CA9: variants seen among roughly 807,000 people sequenced by gnomAD.
The protein encoded by CA9 is carbonic anhydrase 9.
A neutral mutation model predicts 51.8 loss-of-function variants in CA9; 43 were observed. That is an observed-to-expected ratio of 0.83 (90% CI 0.65 to 1.07). The LOEUF is 1.07. Ranked by LOEUF, CA9 falls within the 50% of genes least tolerant of loss-of-function variation. The pLI is 0.00. For missense variants in CA9, 574 were observed against 581.4 expected (o/e 0.99, Z 0.13); for synonymous variants, 253 against 244.2 (o/e 1.04, Z -0.34).
intron 10 of CA9, 60 bp from the exon 11 acceptor site, chr9:35,680,905 T>C: frequency 1.2e-6 from 2 of 1,611,216 alleles, no homozygotes; most frequent in Non-Finnish European, 1.7e-6. Flanking sequence ...GCAAAGCGCA[T>C]GCAAATGAGC....
intron 1 of CA9, 122 bp from the exon 2 acceptor site, chr9:35,675,416 C>T: frequency 1.8e-6 from 2 of 1,129,754 alleles, no homozygotes; most frequent in South Asian, 1.3e-5. Flanking sequence ...GCACCTGGCC[C>T]GCTTAAGGCA....
At chr9:35,674,664 G>C in intron 1 of CA9, 1 of 272,938 alleles carries the variant, frequency 3.7e-6, no homozygotes, top group South Asian at 9.7e-5. Flanking sequence ...TGTGCAGACA[G>C]AGGAAAAAAA....
chr9:35,676,269 C>T (rs1824420837), intron 4 of CA9, 28 bp from the exon 5 acceptor site: 2 of 1,613,746 alleles, frequency 1.2e-6, no homozygotes, highest in Non-Finnish European at 1.7e-6. Flanking sequence ...AGAGACGTGG[C>T]CCTCTCCTAC....
At chr9:35,675,210 T>C (rs1824392592) in intron 1 of CA9, 1 of 347,136 alleles carries the variant, frequency 2.9e-6, no homozygotes. Context: ...GTCAGGCTGG[T>C]CTCGAACTCC....
In CA9 at chr9:35,676,142, A is replaced by G. The variant is rs1824417086; in HGVS notation, c.683A>G (p.His228Arg). 6.2e-7 allele frequency: 1 copy of G among 1,613,350 alleles called. No homozygotes were observed. Among genetic ancestry groups the G allele is most frequent in the Non-Finnish European group, 8.5e-7 (1 of 1,179,706 alleles). ...REYRALQLHLHWGAAGRPGSE... is the reference protein window; with the variant it reads ...REYRALQLHLRWGAAGRPGSE... ...TACCGGGCTCTGCAGCTGCATCTGC[A>G]CTGGGGGGCTGCAGGTCGTCCGGGC... Residue 228 changes from histidine (H) to arginine (R), a missense_variant, in exon 4 of 11, where the codon CAC becomes CGC. By Grantham distance (29) the His-to-Arg change is conservative. Transcript: ENST00000378357.
Position 35,676,361 on chromosome 9 carries a change from G to A in CA9, c.812G>A (p.Gly271Asp), listed in dbSNP as rs1435487418. ...RVDEALGRPG[G>D]LAVLAAFLEE... ...GACGAGGCCTTGGGGCGCCCGGGAG[G>A]CCTGGCCGTGTTGGCCGCCTTTCTG... Residue 271 changes from glycine to aspartate, a missense_variant, in exon 5 of 11, where the codon GGC (glycine) becomes GAC (aspartate). Coordinates refer to ENST00000378357, the MANE Select transcript of CA9 (RefSeq NM_001216.3). 2 of 1,613,780 alleles carry A rather than the reference G, an allele frequency of 1.2e-6. No homozygotes were observed. The highest frequency in any genetic ancestry group is 1.7e-6 in the Non-Finnish European group (2 of 1,179,980).
chr9:35,676,049 C>T lies in CA9; in HGVS notation c.605-15C>T, dbSNP rs781445056. ...CTACCGGGCGGGGCCGGCTCACTTG[C>T]CTCTCCCTACGCAGTGCAACTGACC... On this transcript the variant is annotated splice_polypyrimidine_tract_variant and intron_variant, in intron 3 of 10. Coordinates refer to ENST00000378357, the MANE Select transcript of CA9 (RefSeq NM_001216.3). The T allele has an allele frequency of 3.1e-6, 5 of 1,612,308 alleles. No homozygotes were observed. Among genetic ancestry groups the T allele is most frequent in the Admixed American group, 1.7e-5 (1 of 59,848 alleles).
rs759048994 is a variant in CA9 at position 35,674,167 on chromosome 9, G to T, written c.208G>T (p.Asp70Tyr). The T allele has an allele frequency of 1.3e-5, 21 of 1,614,028 alleles. No homozygotes were observed. Among genetic ancestry groups the T allele is most frequent in the Non-Finnish European group, 1.8e-5 (21 of 1,180,012 alleles). The change falls in exon 1 of 11, where the codon GAT (aspartate) becomes TAT (tyrosine). Residue 70 changes from aspartate to tyrosine, a missense_variant. Coordinates refer to ENST00000378357, the MANE Select transcript of CA9 (RefSeq NM_001216.3). ...LGEEDLPSEE[D>Y]SPREEDPPGE... is the part of the protein sequence containing the mutation. ...CGAGGAGGATCTGCCCAGTGAAGAG[G>T]ATTCACCCAGAGAGGAGGATCCACC...
At chr9:35,677,557 G>T (rs896884325) in intron 5 of CA9, among the ~76,000 whole-genome samples, 7 of 152,024 alleles carry the variant, frequency 4.6e-5, no homozygotes, top group Non-Finnish European at 7.4e-5. Flanking sequence ...GGTTCGCACA[G>T]CAAGAGTACA....
intron 9 of CA9, 86 bp from the exon 10 acceptor site, chr9:35,680,667 G>A (rs1482615369): frequency 9.3e-7 from 1 of 1,078,614 alleles, no homozygotes; most frequent in African/African-American, 1.5e-5. Flanking sequence ...CGGGGCAGGG[G>A]TGGTGGAGTG....
rs151268469 is a variant in CA9, at chr9:35,680,813, T to G, written c.1298T>G (p.Val433Gly). ...LFAVTSVAFL[V>G]QMRRQHRRGT... is the part of the protein sequence containing the mutation. Reference sequence around the variant, plus strand: ...GCTGTCACCAGCGTCGCGTTCCTTGTGCAGATGAGAAGGCAGCACAGGTAT... The same window carrying G: ...GCTGTCACCAGCGTCGCGTTCCTTGGGCAGATGAGAAGGCAGCACAGGTAT... The change falls in exon 10 of 11, where the codon GTG (valine) becomes GGG (glycine). Residue 433 changes from valine (V) to glycine (G), a missense_variant. By Grantham distance (109) the Val-to-Gly change is moderately radical. Transcript: ENST00000378357. 2 of 1,614,120 alleles carry G rather than the reference T, an allele frequency of 1.2e-6. No homozygotes were observed. Among genetic ancestry groups the G allele is most frequent in the African/African-American group, 2.7e-5 (2 of 74,946 alleles).
chr9:35,677,900 T>C lies in CA9; in HGVS notation c.907+44T>C, dbSNP rs529588030. The C allele has an allele frequency of 5.9e-5, 92 of 1,546,602 alleles. 2 individuals are homozygous for C. In the South Asian group the frequency reaches 9.8e-4, roughly 16 times the overall value. On this transcript the variant is annotated intron_variant, in intron 6 of 10. Coordinates refer to ENST00000378357, the MANE Select transcript of CA9 (RefSeq NM_001216.3). Reference sequence around the variant, plus strand: ...CCACTAATCTCTGTGGCCTAGTTCATAAAGAATCACCCTTTGGAGCTTCAG... The same window carrying C: ...CCACTAATCTCTGTGGCCTAGTTCACAAAGAATCACCCTTTGGAGCTTCAG...
chr9:35,679,199 G>A lies in CA9; in HGVS notation c.922G>A (p.Val308Ile). ...CCTCTTCACAGGCTCAGAGACTCAG[G>A]TCCCAGGACTGGACATATCTGCACT... ...EIAEEGSETQ[V>I]PGLDISALLP... The change falls in exon 7 of 11, where the codon GTC (valine) becomes ATC (isoleucine). Residue 308 changes from valine to isoleucine, a missense_variant. Coordinates refer to ENST00000378357, the MANE Select transcript of CA9 (RefSeq NM_001216.3). 1 of 1,614,044 alleles carries A rather than the reference G, an allele frequency of 6.2e-7. No individual in the cohort carries two copies. The highest frequency in any genetic ancestry group is 8.5e-7 in the Non-Finnish European group (1 of 1,179,990).
Position 35,681,091 on chromosome 9 carries a change from T to C in CA9, c.*66T>C. On this transcript the variant is annotated 3_prime_UTR_variant, in exon 11 of 11. Coordinates refer to ENST00000378357, the MANE Select transcript of CA9 (RefSeq NM_001216.3). Reference sequence around the variant, plus strand: ...TCTGAGGGGGAGCCGGTAACTGTCCTGTCCTGCTCATTATGCCACTTCCTT... The same window carrying C: ...TCTGAGGGGGAGCCGGTAACTGTCCCGTCCTGCTCATTATGCCACTTCCTT... 2 of 1,310,402 alleles carry C rather than the reference T, an allele frequency of 1.5e-6. No homozygotes were observed. Among genetic ancestry groups the C allele is most frequent in the Non-Finnish European group, 2.1e-6 (2 of 947,752 alleles). The allele number at this position is 1,310,402 out of a possible 1,614,324, so 81.2% of individuals were successfully genotyped here. A position where few individuals can be genotyped will look rare whatever the true frequency, so the allele number is the denominator to read the frequency against.
chr9:35,675,381 G>C, intron 1 of CA9, 157 bp from the exon 2 acceptor site: 2 of 739,020 alleles, frequency 2.7e-6, no homozygotes, highest in Non-Finnish European at 4.7e-6. Context: ...GCGGTGTTGA[G>C]TTTGGGTGCG....
chr9:35,681,119 A>G lies in CA9; in HGVS notation c.*94A>G. 3.5e-6 allele frequency: 3 copies of G among 852,992 alleles called. No individual in the cohort carries two copies. Among genetic ancestry groups the G allele is most frequent in the Non-Finnish European group, 5.2e-6 (3 of 573,122 alleles). The allele number at this position is 852,992 out of a possible 1,614,324, so 52.8% of individuals were successfully genotyped here. A position where few individuals can be genotyped will look rare whatever the true frequency, so the allele number is the denominator to read the frequency against. On this transcript the variant is annotated 3_prime_UTR_variant, in exon 11 of 11. Coordinates refer to ENST00000378357, the MANE Select transcript of CA9 (RefSeq NM_001216.3). The stretch of plus-strand genomic sequence containing the variant: ...CCTGCTCATTATGCCACTTCCTTTT[A>G]ACTGCCAAGAAATTTTTTAAAATAA...
chr9:35,674,377 A>G lies in CA9; in HGVS notation c.403+15A>G. 2 of 1,596,860 alleles carry G rather than the reference A, an allele frequency of 1.3e-6. No homozygotes were observed. Among genetic ancestry groups the G allele is most frequent in the East Asian group, 2.2e-5 (1 of 44,820 alleles). On this transcript the variant is annotated intron_variant, in intron 1 of 10. Transcript: ENST00000378357. ...GGACAAAGAAGGTAAGTGGTCATCAATCTCCAAATCCAGGTTCCAGGAGGT... is the reference window on the plus strand; with the variant it reads ...GGACAAAGAAGGTAAGTGGTCATCAGTCTCCAAATCCAGGTTCCAGGAGGT...
chr9:35,676,169 C>G lies in CA9; in HGVS notation c.710C>G (p.Ser237Trp), dbSNP rs768211018. Reference sequence around the variant, plus strand: ...TGGGGGGCTGCAGGTCGTCCGGGCTCGGAGCACACTGTGGAAGGCCACCGT... The same window carrying G: ...TGGGGGGCTGCAGGTCGTCCGGGCTGGGAGCACACTGTGGAAGGCCACCGT... ...LHWGAAGRPG[S>W]EHTVEGHRFP... is the part of the protein sequence containing the mutation. The change falls in exon 4 of 11, where the codon TCG becomes TGG. Residue 237 changes from serine (S) to tryptophan (W), a missense_variant. Coordinates refer to ENST00000378357, the MANE Select transcript of CA9 (RefSeq NM_001216.3). 1 of 1,612,282 alleles carries G rather than the reference C, an allele frequency of 6.2e-7. No individual in the cohort carries two copies. The highest frequency in any genetic ancestry group is 8.5e-7 in the Non-Finnish European group (1 of 1,179,198).
In CA9 at chr9:35,674,351, G is replaced by A; in HGVS notation, c.392G>A (p.Arg131Lys). 1 of 1,610,740 alleles carries A rather than the reference G, an allele frequency of 6.2e-7. No homozygotes were observed. Among genetic ancestry groups the A allele is most frequent in the Non-Finnish European group, 8.5e-7 (1 of 1,178,818 alleles). Reference sequence around the variant, plus strand: ...CAAGAACCCCAGAATAATGCCCACAGGGACAAAGAAGGTAAGTGGTCATCA... The same window carrying A: ...CAAGAACCCCAGAATAATGCCCACAAGGACAAAGAAGGTAAGTGGTCATCA... ...DPQEPQNNAH[R>K]DKEGDDQSHW... is the part of the protein sequence containing the mutation. The change falls in exon 1 of 11, where the codon AGG becomes AAG. Residue 131 changes from arginine (R) to lysine (K), a missense_variant. By Grantham distance (26) the Arg-to-Lys change is conservative. Coordinates refer to ENST00000378357, the MANE Select transcript of CA9 (RefSeq NM_001216.3).
Sources: gnomAD v4.1 joint callset for allele counts (sites outside exome capture counted in the v4.1 genomes callset) on GRCh38, gnomAD v4.1.1 for gene constraint, MANE v1.5 for transcripts, NCBI Gene and HGNC (gene_info 2026-07-23, HGNC 2026-07-21) for gene names.